The following USP32 variants were observed in gnomAD, a reference collection of about 807,000 sequenced individuals.
The protein encoded by USP32 is ubiquitin specific peptidase 32, also known as ubiquitin carboxyl-terminal hydrolase 32.
A neutral mutation model predicts 204.8 loss-of-function variants in USP32; 59 were observed. The observed-to-expected ratio is 0.29, with a 90% CI of 0.23 to 0.36. The LOEUF (loss-of-function observed/expected upper bound fraction) is 0.36, where lower values mean the gene tolerates loss of function less well. Among genes scored for constraint, USP32 ranks in the 10% least tolerant of loss-of-function variants. The pLI is 1.00. For missense variants in USP32, 1,160 were observed against 1,946.4 expected (o/e 0.60, Z 7.60); for synonymous variants, 517 against 678.4 (o/e 0.76, Z 3.70).
At chr17:60,392,732 A>G (rs2089863938), upstream of USP32, 1 of 400,374 alleles carries the variant, frequency 2.5e-6, no homozygotes, top group East Asian at 8.7e-5. Flanking sequence ...TCCTGTGACA[A>G]AAGAATGCTC....
chr17:60,219,917 T>C, intron 15 of USP32, 130 bp from the exon 16 acceptor site: 2 of 830,450 alleles, frequency 2.4e-6, no homozygotes, highest in African/African-American at 1.8e-5. Context: ...CAGTAATTAC[T>C]GAAACTCACA....
At chr17:60,334,558 T>G (rs62082068) in intron 2 of USP32, among the ~76,000 whole-genome samples, 15,970 of 143,996 alleles carry the variant, frequency 0.11, 2,148 homozygotes, top group African/African-American at 0.32. Flanking sequence ...CGGGCGTGGT[T>G]GCAGGCGCCT....
At chr17:60,246,447 T>C (rs1448374804) in intron 11 of USP32, among the ~76,000 whole-genome samples, 1 of 151,972 alleles carries the variant, frequency 6.6e-6, no homozygotes, top group Admixed American at 6.6e-5. Context: ...CATCAACTGA[T>C]GGACACTTAA....
At chr17:60,271,758 G>A (rs918034117) in intron 5 of USP32, among the ~76,000 whole-genome samples, 2 of 151,166 alleles carry the variant, frequency 1.3e-5, no homozygotes, top group African/African-American at 4.9e-5. Flanking sequence ...TAAAAATTAA[G>A]CTATTTCTTT....
chr17:60,317,515 A>T (rs1291615204), intron 2 of USP32, among the ~76,000 whole-genome samples: 3 of 123,184 alleles, frequency 2.4e-5, no homozygotes, highest in Non-Finnish European at 5.2e-5. Context: ...GACCCTGTCT[A>T]AAAAAAAAAA....
intron 1 of USP32, among the ~76,000 whole-genome samples, chr17:60,360,104 G>A (rs1370544350): frequency 1.3e-5 from 2 of 151,286 alleles, no homozygotes; most frequent in African/African-American, 4.9e-5. Context: ...TCCTGACCTC[G>A]TGATCCACCT....
intron 4 of USP32, among the ~76,000 whole-genome samples, chr17:60,292,445 C>T (rs189369472): frequency 6.6e-6 from 1 of 152,164 alleles, no homozygotes; most frequent in East Asian, 1.9e-4. Context: ...GATATCCAAC[C>T]CCCTAACCTG....
At chr17:60,367,403 G>C (rs891570225) in intron 1 of USP32, among the ~76,000 whole-genome samples, 1 of 152,332 alleles carries the variant, frequency 6.6e-6, no homozygotes, top group Middle Eastern at 3.4e-3. Flanking sequence ...CCAGCTACCA[G>C]AGGGCTGAGG....
chr17:60,348,653 A>G (rs761968525), intron 1 of USP32, among the ~76,000 whole-genome samples: 3 of 152,126 alleles, frequency 2.0e-5, no homozygotes, highest in Non-Finnish European at 4.4e-5. Flanking sequence ...ACGTGCCTAT[A>G]GCTACTCAGG....
chr17:60,417,593 A>G (rs985794582), intron 1 of USP32, among the ~76,000 whole-genome samples: 11 of 150,072 alleles, frequency 7.3e-5, no homozygotes, highest in Non-Finnish European at 1.3e-4. Flanking sequence ...AGCTGGGATT[A>G]CAGGTGCCTG....
chr17:60,273,267 G>C (rs866374233), intron 5 of USP32, among the ~76,000 whole-genome samples: 1 of 152,038 alleles, frequency 6.6e-6, no homozygotes, highest in African/African-American at 2.4e-5. Flanking sequence ...ATGAGTCACC[G>C]CACCCAGCCC....
intron 12 of USP32, among the ~76,000 whole-genome samples, chr17:60,230,712 A>G (rs56915228): frequency 0.021 from 3,208 of 152,248 alleles, 133 homozygotes; most frequent in African/African-American, 0.073. Context: ...AGCACAACTC[A>G]GGTTCCTTCT....
intron 26 of USP32, among the ~76,000 whole-genome samples, chr17:60,203,405 A>G (rs2084736036): frequency 1.3e-5 from 2 of 148,900 alleles, no homozygotes; most frequent in Non-Finnish European, 3.0e-5. Context: ...TCAAAAAAAA[A>G]AAAAAAAAAA....
intron 5 of USP32, among the ~76,000 whole-genome samples, chr17:60,286,198 A>C (rs1213331185): frequency 6.6e-6 from 1 of 152,160 alleles, no homozygotes; most frequent in Non-Finnish European, 1.5e-5. Flanking sequence ...AATGGAAAGA[A>C]GAACAGTAGA....
intron 1 of USP32, among the ~76,000 whole-genome samples, chr17:60,398,348 C>A (rs762553836): frequency 3.4e-4 from 51 of 152,052 alleles, no homozygotes; most frequent in Non-Finnish European, 8.8e-5. Flanking sequence ...TTACCCATGA[C>A]TGCGTCACTG....
At chr17:60,346,753 C>T (rs974119623) in intron 1 of USP32, among the ~76,000 whole-genome samples, 1 of 152,076 alleles carries the variant, frequency 6.6e-6, no homozygotes. Flanking sequence ...AGAATTCTTC[C>T]AGATGAAGAT....
intron 4 of USP32, among the ~76,000 whole-genome samples, chr17:60,292,646 C>T (rs940154519): frequency 3.9e-5 from 6 of 152,148 alleles, no homozygotes; most frequent in Non-Finnish European, 8.8e-5. Flanking sequence ...CTCACTGCTA[C>T]ACCATGTTCT....
rs140967842 is a variant in USP32 at position 60,357,270 on chromosome 17, G to A, written c.59-11662C>T. Among the ~76,000 whole-genome samples, 641 of 152,192 alleles carry A rather than the reference G, an allele frequency of 4.2e-3. 7 individuals carry two copies. The highest frequency in any genetic ancestry group is 0.016 in the South Asian group (78 of 4,820). ...GTTCAAGACCAGCCTGGGCAACAGAGGGAGACCCCATCTCTACAAAAAATA... is the reference window on the plus strand; with the variant it reads ...GTTCAAGACCAGCCTGGGCAACAGAAGGAGACCCCATCTCTACAAAAAATA... On this transcript the variant is annotated intron_variant, in intron 1 of 33. Coordinates refer to ENST00000300896, the MANE Select transcript of USP32 (RefSeq NM_032582.4).
intron 12 of USP32, among the ~76,000 whole-genome samples, chr17:60,234,743 A>AAT (rs2085675441): frequency 6.7e-6 from 1 of 150,080 alleles, no homozygotes; most frequent in Admixed American, 6.6e-5. Flanking sequence ...AAAAAAAAAA[A>AAT]TTTTTTTTTG....
Sources: gnomAD v4.1 joint callset for allele counts (sites outside exome capture counted in the v4.1 genomes callset) on GRCh38, gnomAD v4.1.1 for gene constraint, MANE v1.5 for transcripts, NCBI Gene and HGNC (gene_info 2026-07-23, HGNC 2026-07-21) for gene names.